Variants in CACNA2D3 observed in about 807,000 individuals in gnomAD.
The protein encoded by CACNA2D3 is calcium voltage-gated channel auxiliary subunit alpha2delta 3, also known as voltage-dependent calcium channel subunit alpha-2/delta-3.
In CACNA2D3, 60 loss-of-function variants were observed where a neutral mutation model predicts 160.6. The ratio of observed to expected loss-of-function variants is 0.37; its 90% CI spans 0.30 to 0.46. The LOEUF is 0.46. Ranked by LOEUF, CACNA2D3 falls within the 20% of genes least tolerant of loss-of-function variation. The pLI is 1.00. For synonymous variants in CACNA2D3, 558 were observed against 492.9 expected, an observed-to-expected ratio of 1.13 and a Z score of -1.75; for missense variants, 1,205 against 1,365.0, an observed-to-expected ratio of 0.88 and a Z score of 1.85.
chr3:54,691,897 CTG>C (rs2307888), intron 11 of CACNA2D3, among the ~76,000 whole-genome samples: 53,771 of 152,008 alleles, frequency 0.35, 10,513 homozygotes, highest in East Asian at 0.49. Flanking sequence ...AATTTTGACT[CTG>C]TGAATAGCCC....
intron 2 of CACNA2D3, among the ~76,000 whole-genome samples, chr3:54,308,152 C>T: frequency 6.6e-6 from 1 of 152,164 alleles, no homozygotes; most frequent in Admixed American, 6.5e-5. Flanking sequence ...TGTGGTTTAT[C>T]AAGCTTTTAA....
At chr3:54,958,932 T>C (rs1575407535) in intron 27 of CACNA2D3, among the ~76,000 whole-genome samples, 1 of 152,060 alleles carries the variant, frequency 6.6e-6, no homozygotes, top group East Asian at 1.9e-4. Context: ...GGCAAAACCC[T>C]GTCTCTACAA....
chr3:54,866,258 C>T (rs1318128973), intron 17 of CACNA2D3, among the ~76,000 whole-genome samples: 2 of 152,148 alleles, frequency 1.3e-5, no homozygotes, highest in Non-Finnish European at 2.9e-5. Context: ...GAATGAAGTG[C>T]CCTGTGGCCA....
chr3:54,670,418 A>G (rs1354016731), intron 11 of CACNA2D3, among the ~76,000 whole-genome samples: 1 of 152,196 alleles, frequency 6.6e-6, no homozygotes, highest in African/African-American at 2.4e-5. Context: ...CTTTGCGGAG[A>G]TGGGCTGGAC....
chr3:54,125,387 A>G (rs1699571274), intron 2 of CACNA2D3, among the ~76,000 whole-genome samples: 1 of 151,992 alleles, frequency 6.6e-6, no homozygotes, highest in African/African-American at 2.4e-5. Context: ...TGAATTCACT[A>G]GCTTTGCTTT....
intron 9 of CACNA2D3, chr3:54,626,280 C>G: frequency 6.9e-7 from 1 of 1,451,624 alleles, no homozygotes; most frequent in Non-Finnish European, 9.5e-7. Context: ...TGGACCTGGA[C>G]CAGCTGCTGG....
chr3:54,319,707 T>C (rs976117572), intron 2 of CACNA2D3, among the ~76,000 whole-genome samples: 6 of 152,182 alleles, frequency 3.9e-5, no homozygotes, highest in African/African-American at 1.4e-4. Context: ...GGGTTACTTG[T>C]GTCTATTGAT....
chr3:54,873,843 C>T (rs549793305), intron 18 of CACNA2D3, among the ~76,000 whole-genome samples: 1 of 152,214 alleles, frequency 6.6e-6, no homozygotes, highest in African/African-American at 2.4e-5. Context: ...CACCATTTCT[C>T]TCCTGGGGAT....
At chr3:55,051,409 G>C (rs1468538659) in intron 35 of CACNA2D3, among the ~76,000 whole-genome samples, 6 of 152,144 alleles carry the variant, frequency 3.9e-5, no homozygotes, top group African/African-American at 1.2e-4. Context: ...CTCCCAGTTA[G>C]GCTGCCCGGG....
chr3:54,455,159 G>C (rs555983124), intron 4 of CACNA2D3, among the ~76,000 whole-genome samples: 1 of 151,836 alleles, frequency 6.6e-6, no homozygotes, highest in East Asian at 1.9e-4. Context: ...AGTTTTTTTT[G>C]AAGAACCTCC....
chr3:54,313,775 G>C (rs565644095), intron 2 of CACNA2D3, among the ~76,000 whole-genome samples: 1 of 148,052 alleles, frequency 6.8e-6, no homozygotes, highest in Admixed American at 6.7e-5. Flanking sequence ...TCCTCAAAGG[G>C]TTCTGCAAGA....
At chr3:54,812,182 T>C (rs1703335516) in intron 13 of CACNA2D3, among the ~76,000 whole-genome samples, 1 of 152,208 alleles carries the variant, frequency 6.6e-6, no homozygotes, top group African/African-American at 2.4e-5. Flanking sequence ...AAGCCACATT[T>C]ATGCATACCT....
chr3:54,645,953 G>A (rs1307935309), intron 11 of CACNA2D3, among the ~76,000 whole-genome samples: 1 of 151,938 alleles, frequency 6.6e-6, no homozygotes, highest in Admixed American at 6.6e-5. Flanking sequence ...CTTCCCCCTA[G>A]TGTTTATGTC....
At chr3:54,128,902 A>G (rs940855513) in intron 2 of CACNA2D3, among the ~76,000 whole-genome samples, 1 of 152,256 alleles carries the variant, frequency 6.6e-6, no homozygotes, top group African/African-American at 2.4e-5. Context: ...TACAAGAGAC[A>G]TAACGGCCTA....
At chr3:54,472,323 A>G (rs1230099096) in intron 4 of CACNA2D3, among the ~76,000 whole-genome samples, 1 of 152,224 alleles carries the variant, frequency 6.6e-6, no homozygotes, top group Non-Finnish European at 1.5e-5. Flanking sequence ...AGATGCAGAA[A>G]AGGCCTTCGA....
At chr3:54,962,707 G>C (rs371359111) in intron 27 of CACNA2D3, among the ~76,000 whole-genome samples, 12 of 152,178 alleles carry the variant, frequency 7.9e-5, no homozygotes, top group African/African-American at 2.4e-4. Context: ...GGAATTCACT[G>C]ATGGTGGCAG....
chr3:54,391,942 T>C (rs1468536409), intron 4 of CACNA2D3, among the ~76,000 whole-genome samples: 3 of 152,166 alleles, frequency 2.0e-5, no homozygotes, highest in Non-Finnish European at 2.9e-5. Flanking sequence ...CTTCATTGGG[T>C]CAATTTTCAG....
intron 19 of CACNA2D3, 30 bp downstream of exon 19, chr3:54,879,119 T>C (rs1309676504): frequency 7.0e-7 from 1 of 1,434,382 alleles, no homozygotes; most frequent in African/African-American, 1.4e-5. Context: ...TTTTGCTGCT[T>C]AATTTAAAAC....
At position 54,435,319 on chromosome 3, in the gene CACNA2D3, G is replaced by A. The variant is rs181346836; in HGVS notation, c.381+48545G>A. Among the ~76,000 whole-genome samples the A allele has an allele frequency of 1.5e-3, 225 of 152,272 alleles. 1 individual carries two copies. The highest frequency in any genetic ancestry group is 6.8e-3 in the Middle Eastern group (2 of 294). ...GATTGTGTCATCTCTCCGATCCTGC[G>A]TGCCTCTGGTGTTAGTGGAGTCCCA... On this transcript the variant is annotated intron_variant, in intron 4 of 37. Coordinates refer to ENST00000474759, the MANE Select transcript of CACNA2D3 (RefSeq NM_018398.3).
Sources: gnomAD v4.1 joint callset for allele counts (sites outside exome capture counted in the v4.1 genomes callset) on GRCh38, gnomAD v4.1.1 for gene constraint, MANE v1.5 for transcripts, NCBI Gene and HGNC (gene_info 2026-07-23, HGNC 2026-07-21) for gene names.